CA1: variants seen among roughly 807,000 people sequenced by gnomAD.
CA1 encodes the protein carbonate dehydratase I.
CA1 carries 27 observed loss-of-function variants against 28.8 expected under a neutral mutation model. The ratio of observed to expected loss-of-function variants is 0.94; its 90% CI spans 0.69 to 1.29. CA1 has a LOEUF of 1.29. Ranked by LOEUF, CA1 falls within the 50% of genes most tolerant of loss-of-function variation. The pLI is 0.00. For synonymous variants in CA1, 121 were observed against 108.8 expected (o/e 1.11, Z -0.70); for missense variants, 335 against 310.5 (o/e 1.08, Z -0.59).
At chr8:85,371,247 T>C (rs1810214541) in intron 1 of CA1, among the ~76,000 whole-genome samples, 1 of 152,166 alleles carries the variant, frequency 6.6e-6, no homozygotes, top group Non-Finnish European at 1.5e-5. Flanking sequence ...CACAAATTGT[T>C]TCAAGATCTG....
At chr8:85,369,653 T>C (rs1585969273) in intron 1 of CA1, among the ~76,000 whole-genome samples, 1 of 152,172 alleles carries the variant, frequency 6.6e-6, no homozygotes, top group East Asian at 1.9e-4. Context: ...CCATCTTTGG[T>C]TGATGCAAAA....
At chr8:85,361,084 A>G (rs1038742640) in intron 1 of CA1, among the ~76,000 whole-genome samples, 1 of 152,162 alleles carries the variant, frequency 6.6e-6, no homozygotes, top group African/African-American at 2.4e-5. Flanking sequence ...TTAGAGGCAC[A>G]TGTTGTCCCA....
intron 1 of CA1, among the ~76,000 whole-genome samples, chr8:85,358,366 A>G (rs2725295): frequency 0.12 from 18,202 of 152,068 alleles, 1,356 homozygotes; most frequent in South Asian, 0.17. Flanking sequence ...CCATTATCCC[A>G]GTTTATTTTT....
intron 4 of CA1, among the ~76,000 whole-genome samples, chr8:85,335,295 G>A (rs986559631): frequency 2.6e-5 from 4 of 151,952 alleles, no homozygotes; most frequent in Admixed American, 6.6e-5. Context: ...GTGTCTCTAC[G>A]GAAATGTTAA....
At chr8:85,368,347 T>C (rs1810088087) in intron 1 of CA1, among the ~76,000 whole-genome samples, 1 of 151,832 alleles carries the variant, frequency 6.6e-6, no homozygotes. Flanking sequence ...TTTTTGTATT[T>C]TTAGTAGAGA....
intron 7 of CA1, among the ~76,000 whole-genome samples, chr8:85,329,434 AG>A (rs1414312283): frequency 6.6e-6 from 1 of 152,166 alleles, no homozygotes; most frequent in African/African-American, 2.4e-5. Context: ...ATATTTAACA[AG>A]GTTGGACTTT....
intron 1 of CA1, among the ~76,000 whole-genome samples, chr8:85,342,043 A>G (rs1160503876): frequency 6.6e-6 from 1 of 152,140 alleles, no homozygotes; most frequent in Non-Finnish European, 1.5e-5. Flanking sequence ...TTAGTTACCT[A>G]AGCAATATAT....
At chr8:85,365,799 TC>T (rs1434172580) in intron 1 of CA1, among the ~76,000 whole-genome samples, 2 of 152,052 alleles carry the variant, frequency 1.3e-5, no homozygotes, top group African/African-American at 2.4e-5. Context: ...TCCATCACCC[TC>T]CTTCTTGCTA....
At chr8:85,368,003 C>T (rs530297679) in intron 1 of CA1, among the ~76,000 whole-genome samples, 3 of 151,960 alleles carry the variant, frequency 2.0e-5, no homozygotes, top group Non-Finnish European at 4.4e-5. Flanking sequence ...CACTTATTTT[C>T]TTTTCATTGC....
At chr8:85,340,779 C>G (rs989310485) in intron 2 of CA1, among the ~76,000 whole-genome samples, 23 of 152,070 alleles carry the variant, frequency 1.5e-4, no homozygotes, top group Non-Finnish European at 3.2e-4. Context: ...TGAGCCTTCC[C>G]AACCTTCAGC....
intron 4 of CA1, among the ~76,000 whole-genome samples, chr8:85,336,704 G>A (rs1808668281): frequency 6.6e-6 from 1 of 152,148 alleles, no homozygotes; most frequent in Non-Finnish European, 1.5e-5. Flanking sequence ...CAGCTTTTGA[G>A]GCATTCTCAG....
chr8:85,341,244 A>G (rs1451585704), intron 2 of CA1: 3 of 179,880 alleles, frequency 1.7e-5, no homozygotes, highest in Admixed American at 1.2e-4. Flanking sequence ...TAAACATGCT[A>G]TTGCACACTT....
chr8:85,341,792 T>A, intron 1 of CA1, 133 bp from the exon 2 acceptor site: 1 of 626,230 alleles, frequency 1.6e-6, no homozygotes, highest in South Asian at 1.9e-5. Context: ...TCTCTGCTTA[T>A]CAGGAAGTAC....
intron 1 of CA1, among the ~76,000 whole-genome samples, chr8:85,360,677 C>A (rs1235341621): frequency 6.6e-6 from 1 of 152,044 alleles, no homozygotes; most frequent in East Asian, 1.9e-4. Context: ...TGGGCGACAC[C>A]CCCTGTCTCT....
intron 1 of CA1, among the ~76,000 whole-genome samples, chr8:85,364,768 T>G (rs529489200): frequency 6.6e-6 from 1 of 152,340 alleles, no homozygotes; most frequent in Admixed American, 6.5e-5. Context: ...CTCGTCTTAG[T>G]ACCAGAAATG....
intron 1 of CA1, among the ~76,000 whole-genome samples, chr8:85,371,162 A>C (rs1306497866): frequency 6.6e-6 from 1 of 152,076 alleles, no homozygotes; most frequent in Non-Finnish European, 1.5e-5. Flanking sequence ...TCATCCTTGG[A>C]GTTTGGTTAG....
chr8:85,329,405 T>G (rs927591858), intron 7 of CA1, among the ~76,000 whole-genome samples: 5 of 152,194 alleles, frequency 3.3e-5, no homozygotes, highest in Non-Finnish European at 5.9e-5. Flanking sequence ...TTTCCTTTAT[T>G]TCTGAAATGC....
intron 5 of CA1, 150 bp downstream of exon 5, chr8:85,333,375 C>T (rs1305692506): frequency 1.7e-6 from 1 of 597,160 alleles, no homozygotes; most frequent in Non-Finnish European, 3.1e-6. Context: ...CAATAAAATA[C>T]TAGGGAACTA....
At chr8:85,332,390 A>C in intron 6 of CA1, 100 bp downstream of exon 6, 1 of 907,752 alleles carries the variant, frequency 1.1e-6, no homozygotes, top group Non-Finnish European at 1.8e-6. Context: ...AGCTTTTACT[A>C]TGGCCTTCCT....
Sources: allele counts gnomAD v4.1 joint callset (sites outside exome capture counted in the v4.1 genomes callset), GRCh38; gene constraint gnomAD v4.1.1; transcripts MANE v1.5; gene names NCBI Gene and HGNC (gene_info 2026-07-23, HGNC 2026-07-21).